Variants in RYR2 observed in about 807,000 individuals in gnomAD.
The protein encoded by RYR2 is ryanodine receptor 2, also known as cardiac muscle ryanodine receptor-calcium release channel.
Under a neutral mutation model 601.1 loss-of-function variants are expected in RYR2, and 227 were observed. The ratio of observed to expected loss-of-function variants is 0.38; its 90% CI spans 0.34 to 0.42. The LOEUF is 0.42. Ranked by LOEUF, RYR2 falls within the 10% of genes least tolerant of loss-of-function variation. RYR2 has a pLI of 1.00. For missense variants in RYR2, 4,646 were observed against 6,156.5 expected (o/e 0.75, Z 8.21); for synonymous variants, 2,223 against 2,175.1 (o/e 1.02, Z -0.61).
chr1:237,699,054 A>G (rs1687735546), intron 64 of RYR2, 29 bp downstream of exon 64: 1 of 1,072,190 alleles, frequency 9.3e-7, no homozygotes, highest in African/African-American at 1.6e-5. Context: ...ACCTAAATAA[A>G]TTACTATAAT....
intron 28 of RYR2, among the ~76,000 whole-genome samples, chr1:237,568,149 C>T (rs186919712): frequency 2.3e-3 from 343 of 152,022 alleles, no homozygotes; most frequent in Non-Finnish European, 4.5e-3. Context: ...AGGATACTCC[C>T]GATTTGGGAA....
At chr1:237,653,575 G>A (rs780307081) in intron 51 of RYR2, among the ~76,000 whole-genome samples, 55 of 152,126 alleles carry the variant, frequency 3.6e-4, no homozygotes, top group South Asian at 8.3e-4. Context: ...TGTCTTAGCC[G>A]GGGTTCTCTA....
At chr1:237,678,812 G>A (rs532846638) in intron 61 of RYR2, among the ~76,000 whole-genome samples, 5 of 152,158 alleles carry the variant, frequency 3.3e-5, no homozygotes, top group Non-Finnish European at 7.4e-5. Context: ...AAATGCCCCT[G>A]GGTAAGCTTT....
intron 2 of RYR2, among the ~76,000 whole-genome samples, chr1:237,314,052 A>T (rs1572570957): frequency 7.0e-6 from 1 of 143,752 alleles, no homozygotes. Flanking sequence ...TTTGTGTTTC[A>T]ACATGAATTT....
At position 237,696,151 on chromosome 1, in the gene RYR2, A is replaced by G. The variant is rs557348306; in HGVS notation, c.9068-2814A>G. Among the ~76,000 whole-genome samples, 8 of 152,272 alleles carry G rather than the reference A, an allele frequency of 5.3e-5. No individual in the cohort carries two copies. The South Asian group carries it at 1.7e-3, about 32-fold the overall frequency. ...TTTAAAGTATCCCTGGCCACCCCTC[A>G]TGGAAAAGGGCACAGGAAAACTCAG... On this transcript the variant is annotated intron_variant, in intron 63 of 104. Coordinates refer to ENST00000366574, the MANE Select transcript of RYR2 (RefSeq NM_001035.3).
intron 56 of RYR2, among the ~76,000 whole-genome samples, chr1:237,661,602 G>A (rs996063394): frequency 3.9e-5 from 6 of 152,166 alleles, no homozygotes; most frequent in African/African-American, 1.4e-4. Flanking sequence ...TGTCTATAGG[G>A]CTTTCTTCTC....
chr1:237,185,033 C>T (rs1296627668), intron 1 of RYR2, among the ~76,000 whole-genome samples: 1 of 152,084 alleles, frequency 6.6e-6, no homozygotes, highest in Non-Finnish European at 1.5e-5. Context: ...CCACACCTGG[C>T]TAATCTTATT....
chr1:237,182,923 G>T (rs769394243), intron 1 of RYR2, among the ~76,000 whole-genome samples: 7 of 152,148 alleles, frequency 4.6e-5, no homozygotes, highest in Non-Finnish European at 8.8e-5. Flanking sequence ...GACCTGATAT[G>T]ATTGAATTTA....
At chr1:237,774,138 G>A (rs1399059189) in intron 87 of RYR2, among the ~76,000 whole-genome samples, 1 of 151,970 alleles carries the variant, frequency 6.6e-6, no homozygotes, top group Admixed American at 6.6e-5. Context: ...TAAGCTTCTA[G>A]CCTTAACTTC....
chr1:237,493,600 C>G (rs1006106883), intron 19 of RYR2, among the ~76,000 whole-genome samples: 4 of 152,000 alleles, frequency 2.6e-5, no homozygotes, highest in Non-Finnish European at 2.9e-5. Flanking sequence ...CTACAGGTGC[C>G]CGCCACCACG....
intron 13 of RYR2, among the ~76,000 whole-genome samples, chr1:237,444,275 T>A (rs1708144294): frequency 6.6e-6 from 1 of 152,178 alleles, no homozygotes; most frequent in East Asian, 1.9e-4. Context: ...ACTTTTCAAC[T>A]CTCTTTGCTG....
intron 71 of RYR2, among the ~76,000 whole-genome samples, chr1:237,713,688 A>G (rs866610399): frequency 1.8e-4 from 28 of 152,230 alleles, no homozygotes; most frequent in African/African-American, 6.3e-4. Context: ...AGCCTAGGCA[A>G]CAAGAATGAA....
intron 11 of RYR2, among the ~76,000 whole-genome samples, chr1:237,418,138 G>A (rs1292591824): frequency 1.3e-5 from 2 of 152,092 alleles, no homozygotes; most frequent in African/African-American, 4.8e-5. Context: ...CACCTCCCGG[G>A]TTCACACCAT....
intron 27 of RYR2, among the ~76,000 whole-genome samples, chr1:237,550,909 A>G (rs577788237): frequency 2.0e-5 from 3 of 152,136 alleles, no homozygotes; most frequent in South Asian, 4.1e-4. Flanking sequence ...GGGCGGAGAA[A>G]ATGGGCCTGT....
Position 237,655,862 on chromosome 1 carries a change from G to A in RYR2, c.8007G>A (p.Leu2669=), listed in dbSNP as rs1401607607. ...TTTTCAAACTGGCACTGCCTTGCCT[G>A]AGTGCAGTTGCGGGAGCTTTGCCTC... is the stretch of plus-strand genomic sequence containing the variant. The part of the protein sequence containing the change: ...QELFKLALPC[L]SAVAGALPPD... Residue 2669 remains leucine, a synonymous_variant, in exon 53 of 105, where the codon CTG becomes CTA. Transcript: ENST00000366574. 6.2e-7 allele frequency: 1 copy of A among 1,608,260 alleles called. No homozygotes were observed. The highest frequency in any genetic ancestry group is 1.7e-5 in the Admixed American group (1 of 59,168).
rs1683416070 is a variant in RYR2, at chr1:237,657,990, G to A, written c.8176G>A (p.Glu2726Lys). The part of the protein sequence containing the change: ...KLEYFINKYA[E>K]HSHDKWSMDK... ...GGAATACTTCATTAACAAATATGCA[G>A]AACACTCCCATGACAAATGGTCAAT... The change falls in exon 54 of 105, where the codon GAA becomes AAA. Residue 2726 changes from glutamate (E) to lysine (K), a missense_variant. By Grantham distance (56) the Glu-to-Lys change is moderately conservative. Transcript: ENST00000366574. 1 of 1,517,644 alleles carries A rather than the reference G, an allele frequency of 6.6e-7. No homozygotes were observed. Among genetic ancestry groups the A allele is most frequent in the Non-Finnish European group, 8.8e-7 (1 of 1,129,992 alleles). 94.0% of individuals were successfully genotyped at this position (1,517,644 alleles called of 1,614,324 possible).
chr1:237,655,795 T>A, intron 52 of RYR2, 26 bp from the exon 53 acceptor site: 1 of 1,555,200 alleles, frequency 6.4e-7, no homozygotes, highest in South Asian at 1.2e-5. Context: ...TAGTAATTTT[T>A]TTTTTTGGTC....
At chr1:237,410,244 T>C (rs1704305697) in intron 10 of RYR2, among the ~76,000 whole-genome samples, 1 of 152,222 alleles carries the variant, frequency 6.6e-6, no homozygotes, top group Non-Finnish European at 1.5e-5. Flanking sequence ...TGTTCTTTCA[T>C]GTGGCTTTTT....
intron 17 of RYR2, 81 bp downstream of exon 17, chr1:237,469,268 A>T (rs1014731302): frequency 1.3e-6 from 1 of 790,750 alleles, no homozygotes; most frequent in Admixed American, 3.3e-5. Flanking sequence ...CAAAAAAAAA[A>T]AAAAAAAAAA....
Sources: allele counts gnomAD v4.1 joint callset (sites outside exome capture counted in the v4.1 genomes callset), GRCh38; gene constraint gnomAD v4.1.1; transcripts MANE v1.5; gene names NCBI Gene and HGNC (gene_info 2026-07-23, HGNC 2026-07-21).